PIK3R1: variants seen among roughly 807,000 people sequenced by gnomAD.
PIK3R1 encodes the protein phosphatidylinositol 3-kinase regulatory subunit alpha.
PIK3R1 carries 29 observed loss-of-function variants against 98.0 expected under a neutral mutation model. The ratio of observed to expected loss-of-function variants is 0.30; its 90% CI spans 0.22 to 0.40. The LOEUF (loss-of-function observed/expected upper bound fraction) is 0.40. Ranked by LOEUF, PIK3R1 falls within the 10% of genes least tolerant of loss-of-function variation. The pLI is 1.00. For missense variants in PIK3R1, 596 were observed against 872.7 expected, an observed-to-expected ratio of 0.68 and a Z score of 3.99; for synonymous variants, 282 against 311.8, an observed-to-expected ratio of 0.90 and a Z score of 1.01.
chr5:68,295,858 C>G, intron 14 of PIK3R1: 3 of 455,066 alleles, frequency 6.6e-6, no homozygotes, highest in South Asian at 6.0e-5. Flanking sequence ...TCTGCCTAGT[C>G]AATTTCCTGA....
Position 68,295,426 on chromosome 5 carries a change from G to A in PIK3R1, c.1752G>A (p.Leu584=). The change falls in exon 14 of 16, where the codon TTG becomes TTA. Residue 584 remains leucine, a synonymous_variant. Coordinates refer to ENST00000521381, the MANE Select transcript of PIK3R1 (RefSeq NM_181523.3). ...RKTRDQYLMW[L]TQKGVRQKKL... The stretch of plus-strand genomic sequence containing the variant: ...TTTCAAAACTGTTTTTCAGGTGGTT[G>A]ACTCAAAAAGGTGTTCGGCAAAAGA... 1 of 1,614,124 alleles carries A rather than the reference G, an allele frequency of 6.2e-7. No individual in the cohort carries two copies. The highest frequency in any genetic ancestry group is 8.5e-7 in the Non-Finnish European group (1 of 1,180,018).
rs1746736250 is a variant in PIK3R1 at position 68,279,609 on chromosome 5, C to T, written c.510C>T (p.Pro170=). Residue 170 remains proline, a synonymous_variant, in exon 5 of 16, where the codon CCC becomes CCT. Coordinates refer to ENST00000521381, the MANE Select transcript of PIK3R1 (RefSeq NM_181523.3). Reference sequence around the variant, plus strand: ...TCTTAAATTGTTTCCTAGATACACCCTCCGTGGACTTGGAAATGATCGATG... The same window carrying T: ...TCTTAAATTGTTTCCTAGATACACCTTCCGTGGACTTGGAAATGATCGATG... ...ELRQLLDCDT[P]SVDLEMIDVH... is the part of the protein sequence containing the mutation. The T allele has an allele frequency of 6.2e-7, 1 of 1,613,142 alleles. No homozygotes were observed. Among genetic ancestry groups the T allele is most frequent in the Non-Finnish European group, 8.5e-7 (1 of 1,179,328 alleles).
chr5:68,258,708 G>A (rs1031215434), intron 2 of PIK3R1, among the ~76,000 whole-genome samples: 3 of 152,314 alleles, frequency 2.0e-5, no homozygotes, highest in Middle Eastern at 3.4e-3. Context: ...TTTAAGGGAA[G>A]CCAGTGGCAG....
chr5:68,247,365 C>T (rs935679752), intron 2 of PIK3R1, among the ~76,000 whole-genome samples: 1 of 151,946 alleles, frequency 6.6e-6, no homozygotes, highest in Admixed American at 6.6e-5. Context: ...TTCTTTCCAC[C>T]ACGGCTAACT....
chr5:68,228,058 T>C (rs1192858251), intron 2 of PIK3R1, among the ~76,000 whole-genome samples: 3 of 152,180 alleles, frequency 2.0e-5, no homozygotes, highest in Non-Finnish European at 2.9e-5. Flanking sequence ...CTTTTTTCTC[T>C]TGTGTAGTCT....
chr5:68,251,278 T>TA (rs1022616525), intron 2 of PIK3R1, among the ~76,000 whole-genome samples: 5 of 151,794 alleles, frequency 3.3e-5, no homozygotes, highest in South Asian at 2.1e-4. Context: ...GGAAACCTCT[T>TA]AAAAAAAACA....
chr5:68,301,169 G>A lies in PIK3R1; in HGVS notation c.*3568G>A, dbSNP rs1343806732. On this transcript the variant is annotated 3_prime_UTR_variant, in exon 16 of 16. Transcript: ENST00000521381. ...AGAAAGGGGCAGTTTAAAGCACAAT[G>A]TCTCACATGGGACAAAGTTCCAAAA... 6 of 223,362 alleles carry A rather than the reference G, an allele frequency of 2.7e-5. No individual in the cohort carries two copies. Among genetic ancestry groups the A allele is most frequent in the African/African-American group, 1.3e-4 (6 of 44,732 alleles). 13.8% of individuals were successfully genotyped at this position (223,362 alleles called of 1,614,324 possible).
chr5:68,288,304 C>T (rs1171672545), intron 7 of PIK3R1: 3 of 580,950 alleles, frequency 5.2e-6, no homozygotes, highest in Non-Finnish European at 6.8e-6. Flanking sequence ...GGGCTCCCCT[C>T]CCCCTCCCGA....
intron 7 of PIK3R1, chr5:68,291,083 T>C: frequency 2.6e-6 from 1 of 380,766 alleles, no homozygotes; most frequent in Non-Finnish European, 4.7e-6. Flanking sequence ...AGTTTTTCAC[T>C]GGTGTCTTTT....
chr5:68,245,381 T>C (rs1374747336), intron 2 of PIK3R1, among the ~76,000 whole-genome samples: 1 of 152,334 alleles, frequency 6.6e-6, no homozygotes, highest in South Asian at 2.1e-4. Flanking sequence ...GTGGGAGATA[T>C]ATAGGAGAAA....
chr5:68,219,293 G>A (rs1280047122), intron 1 of PIK3R1, among the ~76,000 whole-genome samples: 1 of 152,218 alleles, frequency 6.6e-6, no homozygotes, highest in Non-Finnish European at 1.5e-5. Flanking sequence ...ACAGGCACCT[G>A]TAGTCAAAAT....
chr5:68,258,142 G>C (rs1273096037), intron 2 of PIK3R1, among the ~76,000 whole-genome samples: 1 of 152,198 alleles, frequency 6.6e-6, no homozygotes. Context: ...GTGGGCACCT[G>C]TTGTAAGAAA....
At chr5:68,238,019 A>G (rs773652918) in intron 2 of PIK3R1, among the ~76,000 whole-genome samples, 1 of 152,204 alleles carries the variant, frequency 6.6e-6, no homozygotes, top group Non-Finnish European at 1.5e-5. Context: ...AGGGGCTATT[A>G]CTGTTATATT....
intron 2 of PIK3R1, among the ~76,000 whole-genome samples, chr5:68,232,565 T>C (rs889797760): frequency 3.9e-5 from 6 of 152,192 alleles, no homozygotes; most frequent in Non-Finnish European, 8.8e-5. Context: ...CTTGAACTGC[T>C]CTCCTAGAGC....
intron 2 of PIK3R1, among the ~76,000 whole-genome samples, chr5:68,234,083 T>C (rs1744579881): frequency 6.6e-6 from 1 of 152,240 alleles, no homozygotes; most frequent in Admixed American, 6.5e-5. Flanking sequence ...GTAAAGAATA[T>C]AGGCATAAAT....
intron 2 of PIK3R1, among the ~76,000 whole-genome samples, chr5:68,262,403 T>TATATATATATATATATACAC (rs33968242): frequency 7.1e-6 from 1 of 140,618 alleles, no homozygotes; most frequent in Non-Finnish European, 1.5e-5. Context: ...TATATATATA[T>TATATATATATATATATACAC]ACACACACGC....
chr5:68,283,631 A>G (rs1746947773), intron 7 of PIK3R1, among the ~76,000 whole-genome samples: 1 of 152,238 alleles, frequency 6.6e-6, no homozygotes, highest in Non-Finnish European at 1.5e-5. Flanking sequence ...AGCAGTACAT[A>G]TTTTAAGTGA....
intron 8 of PIK3R1, chr5:68,292,723 G>A: frequency 1.6e-6 from 2 of 1,274,346 alleles, no homozygotes; most frequent in Non-Finnish European, 2.0e-6. Context: ...TGGGAAGGGG[G>A]AGTAAGGTTG....
rs752177105 is a variant in PIK3R1, at chr5:68,292,544, G to A, written c.1019+183G>A. 4 of 1,515,490 alleles carry A rather than the reference G, an allele frequency of 2.6e-6. No individual in the cohort carries two copies. The South Asian group carries it at 3.6e-5, about 14-fold the overall frequency. The allele number at this position is 1,515,490 out of a possible 1,614,324, so 93.9% of individuals were successfully genotyped here. On this transcript the variant is annotated intron_variant, in intron 8 of 15. Transcript: ENST00000521381. The stretch of plus-strand genomic sequence containing the variant: ...GAACTGTGGGTGCTGGATGCCACAG[G>A]AAATTAAATACCCGGGAAGTTTCAT...
Sources: allele counts gnomAD v4.1 joint callset (sites outside exome capture counted in the v4.1 genomes callset), GRCh38; gene constraint gnomAD v4.1.1; transcripts MANE v1.5; gene names NCBI Gene and HGNC (gene_info 2026-07-23, HGNC 2026-07-21).